Variants in PKN2 observed in about 807,000 individuals in gnomAD.
PKN2 encodes the protein serine/threonine-protein kinase N2.
PKN2 carries 38 observed loss-of-function variants against 119.1 expected under a neutral mutation model. That is an observed-to-expected ratio of 0.32 (90% CI 0.25 to 0.42). The LOEUF is 0.42. Among genes scored for constraint, PKN2 ranks in the 10% least tolerant of loss-of-function variants. PKN2 has a pLI of 1.00. For missense variants in PKN2, 850 were observed against 1,165.1 expected (o/e 0.73, Z 3.94); for synonymous variants, 390 against 384.9 (o/e 1.01, Z -0.15).
At chr1:88,705,415 C>T (rs1028497772) in intron 1 of PKN2, among the ~76,000 whole-genome samples, 3 of 152,042 alleles carry the variant, frequency 2.0e-5, no homozygotes, top group African/African-American at 7.2e-5. Context: ...ATATTCTTGG[C>T]TGGGCACGGT....
At chr1:88,719,554 G>C (rs186372493) in intron 1 of PKN2, among the ~76,000 whole-genome samples, 6 of 152,090 alleles carry the variant, frequency 3.9e-5, no homozygotes, top group African/African-American at 1.4e-4. Context: ...TATTTTGTAA[G>C]TTTTTCCTCT....
chr1:88,814,565 A>G (rs1671908838), intron 16 of PKN2, among the ~76,000 whole-genome samples: 1 of 152,148 alleles, frequency 6.6e-6, no homozygotes. Context: ...GTGGCTAAAT[A>G]TCTTATTTAA....
At chr1:88,782,554 G>T (rs1325034490) in intron 6 of PKN2, among the ~76,000 whole-genome samples, 7 of 151,544 alleles carry the variant, frequency 4.6e-5, no homozygotes, top group Admixed American at 4.6e-4. Flanking sequence ...TAATTTCTTT[G>T]CTGTGTCTTC....
intron 1 of PKN2, among the ~76,000 whole-genome samples, chr1:88,728,320 G>T (rs1362876077): frequency 6.6e-6 from 1 of 151,948 alleles, no homozygotes; most frequent in Admixed American, 6.6e-5. Context: ...TCTCCTTTTG[G>T]ATAACTCAGT....
At chr1:88,804,978 A>G (rs1671478157) in intron 10 of PKN2, 57 bp downstream of exon 10, 1 of 834,894 alleles carries the variant, frequency 1.2e-6, no homozygotes, top group Non-Finnish European at 1.9e-6. Flanking sequence ...CAATCTAATT[A>G]CCATTTAAAA....
intron 2 of PKN2, among the ~76,000 whole-genome samples, chr1:88,759,867 G>A (rs1361380649): frequency 6.6e-6 from 1 of 152,070 alleles, no homozygotes; most frequent in Non-Finnish European, 1.5e-5. Flanking sequence ...AAATTGAATA[G>A]CCTACCAACC....
chr1:88,805,622 A>T lies in PKN2; in HGVS notation c.1627A>T (p.Thr543Ser). 6.2e-7 allele frequency: 1 copy of T among 1,614,114 alleles called. No individual in the cohort carries two copies. Among genetic ancestry groups the T allele is most frequent in the Non-Finnish European group, 8.5e-7 (1 of 1,179,998 alleles). ...TFSPQAPVPT[T>S]VPVVDVRIPQ... ...CAGCCCTCAAGCTCCTGTGCCTACT[A>T]CAGTGCCAGTGGTTGATGTACGCAT... The change falls in exon 11 of 22, where the codon ACA becomes TCA. Residue 543 changes from threonine to serine, a missense_variant. Physicochemically the swap from Thr to Ser is moderately conservative, Grantham distance 58. Transcript: ENST00000370521.
intron 1 of PKN2, among the ~76,000 whole-genome samples, chr1:88,691,393 A>G (rs938298828): frequency 6.6e-6 from 1 of 152,088 alleles, no homozygotes; most frequent in African/African-American, 2.4e-5. Flanking sequence ...CACATTAATC[A>G]TACTGTTTTC....
At chr1:88,719,892 T>C (rs981369794) in intron 1 of PKN2, among the ~76,000 whole-genome samples, 23 of 152,230 alleles carry the variant, frequency 1.5e-4, no homozygotes, top group Non-Finnish European at 5.9e-5. Flanking sequence ...GACTAAGATA[T>C]ATATAAATTT....
chr1:88,744,859 ATTGT>A (rs1480123556), intron 2 of PKN2, among the ~76,000 whole-genome samples: 5 of 152,214 alleles, frequency 3.3e-5, no homozygotes, highest in Admixed American at 1.3e-4. Flanking sequence ...TCAAGGTCTG[ATTGT>A]TTGAGAAAGT....
At chr1:88,719,980 G>C (rs1667604408) in intron 1 of PKN2, among the ~76,000 whole-genome samples, 1 of 152,118 alleles carries the variant, frequency 6.6e-6, no homozygotes, top group Non-Finnish European at 1.5e-5. Context: ...CACACAAGTA[G>C]TAAGTGATAG....
intron 1 of PKN2, among the ~76,000 whole-genome samples, chr1:88,724,661 T>C (rs543828962): frequency 2.0e-5 from 3 of 150,372 alleles, no homozygotes; most frequent in African/African-American, 7.5e-5. Flanking sequence ...AACCTCTGCC[T>C]CCCAGGTTCA....
intron 16 of PKN2, among the ~76,000 whole-genome samples, chr1:88,817,891 A>G (rs1231956216): frequency 6.6e-6 from 1 of 152,174 alleles, no homozygotes. Context: ...GGCAAGAGAA[A>G]GAAAGAAAGT....
chr1:88,771,828 A>G lies in PKN2; in HGVS notation c.934A>G (p.Ile312Val), dbSNP rs756585615. The change falls in exon 6 of 22, where the codon ATA becomes GTA. Residue 312 changes from isoleucine to valine, a missense_variant. Around this residue, in one of 9 missense-constraint regions of PKN2, gnomAD observed 350 missense variants for 511.1 expected, o/e 0.68. Transcript: ENST00000370521. ...AACACTAAGTCCACGTCAAAGTATG[A>G]TATCTACGCAAAATCAATATAGTAC... ...SPTLSPRQSM[I>V]STQNQYSTLS... The G allele has an allele frequency of 3.1e-6, 5 of 1,613,928 alleles. No homozygotes were observed. In the Admixed American group the frequency reaches 5.0e-5, roughly 16 times the overall value.
intron 19 of PKN2, among the ~76,000 whole-genome samples, chr1:88,832,292 A>G (rs1456289162): frequency 1.3e-5 from 2 of 151,614 alleles, no homozygotes; most frequent in Admixed American, 1.3e-4. Flanking sequence ...AACCTTATCC[A>G]TTTTCTTCTG....
chr1:88,811,521 A>G (rs1457395494), intron 15 of PKN2, among the ~76,000 whole-genome samples: 1 of 152,200 alleles, frequency 6.6e-6, no homozygotes, highest in African/African-American at 2.4e-5. Flanking sequence ...CAATACAAAC[A>G]ATAGCAGTTC....
chr1:88,752,842 A>G (rs550186512), intron 2 of PKN2, among the ~76,000 whole-genome samples: 4 of 152,002 alleles, frequency 2.6e-5, no homozygotes, highest in African/African-American at 9.6e-5. Context: ...TATTTTATTC[A>G]TTTGTTTTTA....
At chr1:88,733,819 T>A (rs1668236468) in intron 1 of PKN2, among the ~76,000 whole-genome samples, 1 of 152,232 alleles carries the variant, frequency 6.6e-6, no homozygotes, top group Non-Finnish European at 1.5e-5. Context: ...CAAATCAAAT[T>A]TTGAAAATTC....
intron 1 of PKN2, among the ~76,000 whole-genome samples, chr1:88,709,803 AC>A (rs1667151797): frequency 6.6e-6 from 1 of 152,202 alleles, no homozygotes; most frequent in African/African-American, 2.4e-5. Flanking sequence ...CTCCAGTTGA[AC>A]AGTGCCACTT....
Sources: gnomAD v4.1 joint callset for allele counts (sites outside exome capture counted in the v4.1 genomes callset) on GRCh38, gnomAD v4.1.1 for gene constraint, gnomAD v4.1.1 regional missense constraint, MANE v1.5 for transcripts, NCBI Gene and HGNC (gene_info 2026-07-23, HGNC 2026-07-21) for gene names.